Variants in MECOM observed in about 807,000 individuals in gnomAD.
MECOM encodes the protein histone-lysine N-methyltransferase MECOM.
Under a neutral mutation model 116.3 loss-of-function variants are expected in MECOM, and 13 were observed. The ratio of observed to expected loss-of-function variants is 0.11; its 90% CI spans 0.07 to 0.18. The LOEUF (loss-of-function observed/expected upper bound fraction) is 0.18, where lower values mean the gene tolerates loss of function less well. MECOM is among the 10% of genes least tolerant of loss of function. MECOM has a pLI of 1.00. For synonymous variants in MECOM, 528 were observed against 535.2 expected (o/e 0.99, Z 0.19); for missense variants, 1,299 against 1,509.0 (o/e 0.86, Z 2.31).
At chr3:169,140,593 G>A (rs1737802189) in intron 3 of MECOM, among the ~76,000 whole-genome samples, 1 of 151,784 alleles carries the variant, frequency 6.6e-6, no homozygotes, top group African/African-American at 2.4e-5. Context: ...TTGGAAGCAT[G>A]AAATGAAAGA....
At chr3:169,393,968 G>A (rs541598061) in intron 1 of MECOM, among the ~76,000 whole-genome samples, 156 of 152,148 alleles carry the variant, frequency 1.0e-3, no homozygotes, top group South Asian at 2.5e-3. Context: ...GACTGCTCAT[G>A]AGAAAAAATT....
intron 1 of MECOM, among the ~76,000 whole-genome samples, chr3:169,536,780 G>A (rs1759419551): frequency 6.6e-6 from 1 of 152,122 alleles, no homozygotes; most frequent in African/African-American, 2.4e-5. Context: ...ATGATCTAGA[G>A]GATAATGACA....
At chr3:169,266,772 T>C (rs1758362181) in intron 2 of MECOM, among the ~76,000 whole-genome samples, 1 of 152,112 alleles carries the variant, frequency 6.6e-6, no homozygotes, top group South Asian at 2.1e-4. Context: ...ATATGAAGTA[T>C]AAGGGCACAG....
At chr3:169,172,407 ATGTGTGTGTGTGTG>A (rs5854312) in intron 2 of MECOM, among the ~76,000 whole-genome samples, 1 of 144,370 alleles carries the variant, frequency 6.9e-6, no homozygotes, top group South Asian at 2.3e-4. Flanking sequence ...GTACCCTTGT[ATGTGTGTGTGTGTG>A]TGTGTGTGTG....
intron 1 of MECOM, among the ~76,000 whole-genome samples, chr3:169,480,875 G>A (rs1239225530): frequency 6.6e-6 from 1 of 151,788 alleles, no homozygotes; most frequent in Non-Finnish European, 1.5e-5. Context: ...CATTTTTCCT[G>A]GTGTTTCTGA....
chr3:169,169,983 T>G (rs896123731), intron 2 of MECOM, among the ~76,000 whole-genome samples: 2 of 152,140 alleles, frequency 1.3e-5, no homozygotes, highest in African/African-American at 4.8e-5. Context: ...GGAAATGAAA[T>G]CCCCAGACTA....
intron 2 of MECOM, among the ~76,000 whole-genome samples, chr3:169,347,503 A>G (rs1424418760): frequency 1.3e-5 from 2 of 152,020 alleles, no homozygotes; most frequent in African/African-American, 4.8e-5. Context: ...TACTAGGGGA[A>G]AAAAGACTTC....
intron 2 of MECOM, among the ~76,000 whole-genome samples, chr3:169,202,154 C>CT (rs1337498488): frequency 2.6e-5 from 4 of 152,042 alleles, no homozygotes; most frequent in Non-Finnish European, 4.4e-5. Flanking sequence ...CATTACTTTC[C>CT]TTTTTCTTGA....
intron 8 of MECOM, 108 bp from the exon 9 acceptor site, chr3:169,112,982 G>A (rs975686891): frequency 7.8e-6 from 6 of 772,078 alleles, no homozygotes; most frequent in Non-Finnish European, 1.1e-5. Context: ...GTAGGTTTCT[G>A]GGAAGCGCAC....
chr3:169,494,301 C>T (rs911553498), intron 1 of MECOM, among the ~76,000 whole-genome samples: 1 of 152,054 alleles, frequency 6.6e-6, no homozygotes, highest in Non-Finnish European at 1.5e-5. Flanking sequence ...ATTGGTAAAA[C>T]TAACAAGTTG....
At chr3:169,214,340 T>G (rs866558609) in intron 2 of MECOM, among the ~76,000 whole-genome samples, 1 of 151,740 alleles carries the variant, frequency 6.6e-6, no homozygotes, top group Non-Finnish European at 1.5e-5. Context: ...TTTAATTATA[T>G]GATCAGGTTT....
chr3:169,497,940 A>C (rs1754036863), intron 1 of MECOM, among the ~76,000 whole-genome samples: 1 of 152,206 alleles, frequency 6.6e-6, no homozygotes, highest in African/African-American at 2.4e-5. Context: ...TGGCCTCAGA[A>C]ATGTGTGAAT....
intron 2 of MECOM, among the ~76,000 whole-genome samples, chr3:169,274,519 A>T (rs1759351777): frequency 1.3e-5 from 2 of 152,110 alleles, no homozygotes; most frequent in African/African-American, 4.8e-5. Flanking sequence ...ACCCTGGAGA[A>T]TAGGGTTTGA....
intron 7 of MECOM, among the ~76,000 whole-genome samples, chr3:169,118,540 T>C (rs1401073144): frequency 1.3e-5 from 2 of 152,172 alleles, no homozygotes; most frequent in South Asian, 2.1e-4. Context: ...GAATAATTTA[T>C]AGCTACAAGC....
At chr3:169,245,925 C>T (rs969008301) in intron 2 of MECOM, among the ~76,000 whole-genome samples, 1 of 152,188 alleles carries the variant, frequency 6.6e-6, no homozygotes, top group Non-Finnish European at 1.5e-5. Flanking sequence ...TGTGGCACAG[C>T]CTCCTCCATC....
intron 1 of MECOM, among the ~76,000 whole-genome samples, chr3:169,446,888 C>A (rs900348195): frequency 6.6e-6 from 1 of 152,114 alleles, no homozygotes; most frequent in Non-Finnish European, 1.5e-5. Context: ...AGGGGGTGCA[C>A]CAAGCTTTAG....
At chr3:169,178,973 A>T (rs753711955) in intron 2 of MECOM, among the ~76,000 whole-genome samples, 7 of 152,248 alleles carry the variant, frequency 4.6e-5, no homozygotes, top group Non-Finnish European at 8.8e-5. Context: ...GAAAAGTTCA[A>T]TTTTTAATAT....
intron 1 of MECOM, among the ~76,000 whole-genome samples, chr3:169,425,263 T>G (rs1740461790): frequency 6.6e-6 from 1 of 152,108 alleles, no homozygotes. Context: ...CACTTATCAA[T>G]TAAGAGAGAA....
intron 1 of MECOM, among the ~76,000 whole-genome samples, chr3:169,435,164 G>GA (rs1008583044): frequency 2.0e-5 from 3 of 152,216 alleles, no homozygotes; most frequent in Admixed American, 6.5e-5. Flanking sequence ...TCTATATCTA[G>GA]AAAAAATACA....
Sources: gnomAD v4.1 joint callset for allele counts (sites outside exome capture counted in the v4.1 genomes callset) on GRCh38, gnomAD v4.1.1 for gene constraint, MANE v1.5 for transcripts, NCBI Gene and HGNC (gene_info 2026-07-23, HGNC 2026-07-21) for gene names.